Variants in SOX5 observed in about 807,000 individuals in gnomAD.
SOX5 encodes transcription factor SOX-5.
In SOX5, 9 loss-of-function variants were observed where a neutral mutation model predicts 92.0. That is an observed-to-expected ratio of 0.10 (90% CI 0.06 to 0.17). The LOEUF (loss-of-function observed/expected upper bound fraction) is 0.17, where lower values mean the gene tolerates loss of function less well. Among genes scored for constraint, SOX5 ranks in the 10% least tolerant of loss-of-function variants. SOX5 has a pLI of 1.00. For missense variants in SOX5, 642 were observed against 944.5 expected (o/e 0.68, Z 4.20); for synonymous variants, 344 against 336.3 (o/e 1.02, Z -0.25).
intron 10 of SOX5, among the ~76,000 whole-genome samples, chr12:23,568,091 G>A (rs1380711004): frequency 6.6e-6 from 1 of 152,142 alleles, no homozygotes; most frequent in Admixed American, 6.5e-5. Flanking sequence ...AGGATCTCAA[G>A]GTGAGATCAC....
chr12:24,166,275 A>G (rs1341252987), intron 4 of SOX5, among the ~76,000 whole-genome samples: 3 of 152,070 alleles, frequency 2.0e-5, no homozygotes, highest in Non-Finnish European at 2.9e-5. Context: ...GGAATCATGA[A>G]TTGTTTGAGA....
intron 8 of SOX5, among the ~76,000 whole-genome samples, chr12:23,622,247 G>A (rs1192854719): frequency 6.6e-6 from 1 of 151,786 alleles, no homozygotes; most frequent in East Asian, 1.9e-4. Context: ...CCCTTTGAGG[G>A]TTTGGTGTAT....
rs527828778 is a variant in SOX5, at chr12:23,894,521, C to A, written c.270+1272G>T. Among the ~76,000 whole-genome samples, 12 of 152,196 alleles carry A rather than the reference C, an allele frequency of 7.9e-5. No individual in the cohort carries two copies. The East Asian group carries it at 1.9e-3, about 24-fold the overall frequency. ...GGATTACAGGTGTGAGCCACCACGC[C>A]CGACCTAAAACATTATTCTTGGTGG... is the stretch of plus-strand genomic sequence containing the variant. On this transcript the variant is annotated intron_variant, in intron 2 of 14. Coordinates refer to ENST00000451604, the MANE Select transcript of SOX5 (RefSeq NM_006940.6).
At chr12:23,707,075 G>A (rs1257993670) in intron 6 of SOX5, among the ~76,000 whole-genome samples, 1 of 152,074 alleles carries the variant, frequency 6.6e-6, no homozygotes, top group Non-Finnish European at 1.5e-5. Context: ...TTTCCTATTA[G>A]TGCAGTTATG....
At chr12:24,030,324 C>A (rs1955355433) in intron 4 of SOX5, among the ~76,000 whole-genome samples, 1 of 151,770 alleles carries the variant, frequency 6.6e-6, no homozygotes, top group Non-Finnish European at 1.5e-5. Flanking sequence ...ATCAAAATAG[C>A]ATGATACTGG....
chr12:23,954,200 A>G (rs1946002929), upstream of SOX5, among the ~76,000 whole-genome samples: 1 of 152,034 alleles, frequency 6.6e-6, no homozygotes, highest in Non-Finnish European at 1.5e-5. Flanking sequence ...GGTGCAAATT[A>G]CACTTCCATA....
At position 24,211,040 on chromosome 12, in the gene SOX5, C is replaced by T. The variant is rs376302271; in HGVS notation, c.-2+2303G>A. 3.3e-4 allele frequency among the ~76,000 whole-genome samples: 50 copies of T among 152,248 alleles called. 1 individual carries two copies. The highest frequency in any genetic ancestry group is 1.2e-3 in the African/African-American group (49 of 41,526). ...GGTCTACCAGGCTGTAAATGATGAACACCACTCACCCTCCATAGCGTCATC... is the reference window on the plus strand; with the variant it reads ...GGTCTACCAGGCTGTAAATGATGAATACCACTCACCCTCCATAGCGTCATC... On this transcript the variant is annotated intron_variant, in intron 4 of 4. Coordinates refer to the SOX5 transcript ENST00000446891.
At chr12:23,980,134 T>C (rs1032463797) in intron 4 of SOX5, among the ~76,000 whole-genome samples, 2 of 152,108 alleles carry the variant, frequency 1.3e-5, no homozygotes, top group African/African-American at 4.8e-5. Flanking sequence ...TGAGTTTTTT[T>C]AGCACTTGCA....
chr12:23,802,019 A>C (rs1175371417), intron 3 of SOX5, among the ~76,000 whole-genome samples: 2 of 152,150 alleles, frequency 1.3e-5, no homozygotes, highest in African/African-American at 4.8e-5. Flanking sequence ...AAAATTAAAA[A>C]TATTACACGT....
intron 2 of SOX5, among the ~76,000 whole-genome samples, chr12:23,882,071 T>C (rs781080366): frequency 2.0e-5 from 3 of 152,188 alleles, no homozygotes; most frequent in Non-Finnish European, 2.9e-5. Context: ...GAATTAGCAG[T>C]TGAAGATATA....
At chr12:23,845,547 T>C (rs2096565582) in intron 3 of SOX5, among the ~76,000 whole-genome samples, 1 of 152,182 alleles carries the variant, frequency 6.6e-6, no homozygotes, top group Non-Finnish European at 1.5e-5. Flanking sequence ...ATAATAGTCC[T>C]AACCATATTA....
chr12:24,344,100 T>A (rs891954269), intron 2 of SOX5, among the ~76,000 whole-genome samples: 1 of 151,816 alleles, frequency 6.6e-6, no homozygotes, highest in Admixed American at 6.6e-5. Context: ...CTGACCAACA[T>A]GGTGAAACCC....
intron 6 of SOX5, among the ~76,000 whole-genome samples, chr12:23,725,929 T>G (rs964794097): frequency 6.6e-6 from 1 of 152,166 alleles, no homozygotes; most frequent in African/African-American, 2.4e-5. Flanking sequence ...AATTTTCCAC[T>G]TCTAGAATAC....
chr12:24,198,322 G>T lies in SOX5; in HGVS notation c.-2+15021C>A, dbSNP rs866434500. 3.9e-5 allele frequency among the ~76,000 whole-genome samples: 6 copies of T among 152,160 alleles called. No homozygotes were observed. In the East Asian group the frequency reaches 5.8e-4, roughly 15 times the overall value. On this transcript the variant is annotated intron_variant, in intron 4 of 4. Coordinates refer to the SOX5 transcript ENST00000446891. ...TTCTTTTCCACTTGGATAATGATTTGCTATTTTTCAAACAGATATTTGGGA... is the reference window on the plus strand; with the variant it reads ...TTCTTTTCCACTTGGATAATGATTTTCTATTTTTCAAACAGATATTTGGGA...
intron 2 of SOX5, among the ~76,000 whole-genome samples, chr12:24,311,984 T>C (rs1043388820): frequency 6.6e-6 from 1 of 152,238 alleles, no homozygotes; most frequent in Non-Finnish European, 1.5e-5. Flanking sequence ...AAATTCCCTT[T>C]AAAAGAAGTG....
chr12:23,835,310 G>A (rs1476295799), intron 3 of SOX5, among the ~76,000 whole-genome samples: 1 of 151,818 alleles, frequency 6.6e-6, no homozygotes, highest in Admixed American at 6.6e-5. Context: ...GGGAAAAAAG[G>A]AACCTGGACC....
intron 4 of SOX5, among the ~76,000 whole-genome samples, chr12:24,002,505 A>T (rs1372058676): frequency 7.0e-6 from 1 of 142,588 alleles, no homozygotes; most frequent in Non-Finnish European, 1.5e-5. Context: ...CAAATGATCA[A>T]AAAGTGGATC....
chr12:24,424,430 T>G (rs1215334723), intron 1 of SOX5, among the ~76,000 whole-genome samples: 1 of 152,240 alleles, frequency 6.6e-6, no homozygotes. Context: ...TTTTCTTTTT[T>G]GAAAACCTTG....
intron 4 of SOX5, among the ~76,000 whole-genome samples, chr12:24,170,244 G>C (rs891987983): frequency 1.6e-4 from 25 of 152,208 alleles, no homozygotes; most frequent in Non-Finnish European, 7.3e-5. Context: ...GGCAGCGCTA[G>C]TGCAAGGACA....
Sources: gnomAD v4.1 joint callset for allele counts (sites outside exome capture counted in the v4.1 genomes callset) on GRCh38, gnomAD v4.1.1 for gene constraint, MANE v1.5 for transcripts, NCBI Gene and HGNC (gene_info 2026-07-23, HGNC 2026-07-21) for gene names.